The following ADCY8 variants were observed in gnomAD, a reference collection of about 807,000 sequenced individuals.
The protein encoded by ADCY8 is adenylate cyclase type 8.
ADCY8 carries 51 observed loss-of-function variants against 119.7 expected under a neutral mutation model. That is an observed-to-expected ratio of 0.43 (90% CI 0.34 to 0.54). The LOEUF is 0.54. Among genes scored for constraint, ADCY8 ranks in the 20% least tolerant of loss-of-function variants. The probability of loss-of-function intolerance (pLI) is 0.03; values close to 1 mark genes in which losing one functional copy is unlikely to be tolerated. For missense variants in ADCY8, 1,383 were observed against 1,598.8 expected (o/e 0.87, Z 2.30); for synonymous variants, 665 against 651.0 (o/e 1.02, Z -0.33).
At chr8:130,943,975 C>A (rs1364403714) in intron 3 of ADCY8, among the ~76,000 whole-genome samples, 1 of 152,134 alleles carries the variant, frequency 6.6e-6, no homozygotes. Context: ...GGTGGCAAAT[C>A]TGGGAGACCT....
intron 3 of ADCY8, among the ~76,000 whole-genome samples, chr8:130,949,320 T>C (rs972284146): frequency 1.3e-4 from 20 of 152,212 alleles, no homozygotes; most frequent in Non-Finnish European, 2.5e-4. Context: ...TCCTTATTTT[T>C]CTTTTTAAAG....
At chr8:130,970,549 C>T (rs368626191) in intron 2 of ADCY8, among the ~76,000 whole-genome samples, 15 of 152,240 alleles carry the variant, frequency 9.9e-5, no homozygotes, top group Middle Eastern at 3.4e-3. Context: ...AGAAATAAAG[C>T]GCATAATAAA....
At chr8:130,804,050 C>T (rs11986118) in intron 14 of ADCY8, among the ~76,000 whole-genome samples, 26,162 of 152,062 alleles carry the variant, frequency 0.17, 2,838 homozygotes, top group African/African-American at 0.31. Context: ...GGTGATGCCA[C>T]GAAGGAGCCT....
At chr8:130,814,919 C>A (rs1816289740) in intron 13 of ADCY8, among the ~76,000 whole-genome samples, 1 of 152,174 alleles carries the variant, frequency 6.6e-6, no homozygotes, top group African/African-American at 2.4e-5. Context: ...GACTTTACAT[C>A]CTTACTGTTA....
At chr8:130,960,542 G>A (rs1171108479) in intron 2 of ADCY8, among the ~76,000 whole-genome samples, 1 of 152,014 alleles carries the variant, frequency 6.6e-6, no homozygotes, top group African/African-American at 2.4e-5. Context: ...AGAGCAAGAG[G>A]GTTTCTGCAG....
chr8:130,920,340 C>T (rs1820262187), intron 5 of ADCY8, among the ~76,000 whole-genome samples: 1 of 151,900 alleles, frequency 6.6e-6, no homozygotes, highest in East Asian at 1.9e-4. Context: ...TGTGAGGAGC[C>T]TTCCATTTAG....
intron 1 of ADCY8, among the ~76,000 whole-genome samples, chr8:131,037,026 T>C (rs1330024172): frequency 6.6e-6 from 1 of 152,156 alleles, no homozygotes; most frequent in Non-Finnish European, 1.5e-5. Flanking sequence ...CAGATTCTTA[T>C]AAAAAGCGAT....
At chr8:130,831,804 G>T (rs1230370074) in intron 12 of ADCY8, among the ~76,000 whole-genome samples, 1 of 152,222 alleles carries the variant, frequency 6.6e-6, no homozygotes, top group Non-Finnish European at 1.5e-5. Context: ...AGATCAGTTA[G>T]AGGACATCAG....
intron 1 of ADCY8, among the ~76,000 whole-genome samples, chr8:131,012,754 C>G (rs990505799): frequency 2.0e-5 from 3 of 152,168 alleles, no homozygotes; most frequent in Non-Finnish European, 4.4e-5. Flanking sequence ...CTCAGAACAT[C>G]CTGGGAAGGT....
At position 130,940,483 on chromosome 8, in the gene ADCY8, C is replaced by T. The variant is rs372603315; in HGVS notation, c.1353+2868G>A. Among the ~76,000 whole-genome samples the T allele has an allele frequency of 7.3e-3, 1,109 of 151,740 alleles. 14 individuals carry two copies. Among genetic ancestry groups the T allele is most frequent in the Non-Finnish European group, 8.8e-3 (596 of 67,940 alleles). Reference sequence around the variant, plus strand: ...GATCCCAAATACATGGTTGTATATACGCATATATATTATATAAAATTATTT... The same window carrying T: ...GATCCCAAATACATGGTTGTATATATGCATATATATTATATAAAATTATTT... On this transcript the variant is annotated intron_variant, in intron 4 of 17. Transcript: ENST00000286355.
At chr8:130,953,125 C>T (rs531494822) in intron 2 of ADCY8, among the ~76,000 whole-genome samples, 17 of 152,140 alleles carry the variant, frequency 1.1e-4, no homozygotes, top group African/African-American at 3.6e-4. Context: ...TACTTGGTTA[C>T]GTGGTTTACT....
In ADCY8 at chr8:130,847,525, A is replaced by G; in HGVS notation, c.2413-12T>C. ...AAATCACACCACAGCTGCGGATTAA[A>G]AAAAAAAAAAAAAGAACAACAAAAA... On this transcript the variant is annotated splice_polypyrimidine_tract_variant and intron_variant, in intron 10 of 17. Coordinates refer to ENST00000286355, the MANE Select transcript of ADCY8 (RefSeq NM_001115.3). 1.1e-6 allele frequency: 1 copy of G among 932,378 alleles called. No individual in the cohort carries two copies. Among genetic ancestry groups the G allele is most frequent in the East Asian group, 4.4e-5 (1 of 22,730 alleles). The allele number at this position is 932,378 out of a possible 1,614,324, so 57.8% of individuals were successfully genotyped here.
intron 8 of ADCY8, among the ~76,000 whole-genome samples, chr8:130,876,411 A>C (rs2130430397): frequency 6.6e-6 from 1 of 152,248 alleles, no homozygotes; most frequent in South Asian, 2.1e-4. Flanking sequence ...ATCTTGTCAC[A>C]AAACTACCTC....
chr8:130,845,960 A>T (rs1817282800), intron 11 of ADCY8, among the ~76,000 whole-genome samples: 1 of 152,124 alleles, frequency 6.6e-6, no homozygotes, highest in Admixed American at 6.6e-5. Context: ...TAGTTTTATT[A>T]TCTATAAGAC....
At chr8:130,911,388 C>T (rs1299462455) in intron 5 of ADCY8, among the ~76,000 whole-genome samples, 1 of 152,008 alleles carries the variant, frequency 6.6e-6, no homozygotes, top group Admixed American at 6.6e-5. Flanking sequence ...GGCTTAAATC[C>T]ATTTATGAGA....
rs751106725 is a variant in ADCY8 at position 130,916,253 on chromosome 8, A to G, written c.1482-6387T>C. 4.7e-4 allele frequency among the ~76,000 whole-genome samples: 71 copies of G among 152,092 alleles called. 1 individual carries two copies. Among genetic ancestry groups the G allele is most frequent in the Non-Finnish European group, 6.8e-4 (46 of 68,020 alleles). Reference sequence around the variant, plus strand: ...ATGTGGACTACTGGGGTCTGAGCTGACTCAGCCCAATATATGGACACAGTC... The same window carrying G: ...ATGTGGACTACTGGGGTCTGAGCTGGCTCAGCCCAATATATGGACACAGTC... On this transcript the variant is annotated intron_variant, in intron 5 of 17. Transcript: ENST00000286355.
intron 2 of ADCY8, among the ~76,000 whole-genome samples, chr8:130,961,346 G>A (rs1299205710): frequency 1.3e-5 from 2 of 152,018 alleles, no homozygotes; most frequent in Non-Finnish European, 2.9e-5. Flanking sequence ...CTGACCTCAA[G>A]TGATCCACCC....
intron 2 of ADCY8, among the ~76,000 whole-genome samples, chr8:130,977,931 T>G (rs1000407374): frequency 2.0e-5 from 3 of 152,208 alleles, no homozygotes; most frequent in African/African-American, 7.2e-5. Context: ...CCATCTAATC[T>G]ATTGTGAAAT....
intron 11 of ADCY8, 97 bp downstream of exon 11, chr8:130,847,327 G>T (rs886845214): frequency 1.1e-5 from 9 of 841,500 alleles, no homozygotes; most frequent in Non-Finnish European, 1.5e-5. Flanking sequence ...GGCCTCTTGA[G>T]TATTTTCTAT....
Sources: gnomAD v4.1 joint callset for allele counts (sites outside exome capture counted in the v4.1 genomes callset) on GRCh38, gnomAD v4.1.1 for gene constraint, MANE v1.5 for transcripts, NCBI Gene and HGNC (gene_info 2026-07-23, HGNC 2026-07-21) for gene names.